ITSN2: variants seen among roughly 807,000 people sequenced by gnomAD.
The protein encoded by ITSN2 is intersectin 2.
ITSN2 carries 156 observed loss-of-function variants against 243.7 expected under a neutral mutation model. The observed-to-expected ratio is 0.64, with a 90% CI of 0.56 to 0.73. The LOEUF is 0.73. Ranked by LOEUF, ITSN2 falls within the 30% of genes least tolerant of loss-of-function variation. The pLI is 0.00. For missense variants in ITSN2, 1,801 were observed against 1,996.1 expected (o/e 0.90, Z 1.86); for synonymous variants, 703 against 699.9 (o/e 1.00, Z -0.07).
intron 1 of ITSN2, among the ~76,000 whole-genome samples, chr2:24,338,210 T>A (rs1176283240): frequency 6.6e-6 from 1 of 152,234 alleles, no homozygotes; most frequent in Non-Finnish European, 1.5e-5. Flanking sequence ...TATAACCTCT[T>A]ATCAACATAA....
At chr2:24,288,043 A>C (rs1679736046) in intron 15 of ITSN2, among the ~76,000 whole-genome samples, 1 of 152,022 alleles carries the variant, frequency 6.6e-6, no homozygotes, top group African/African-American at 2.4e-5. Context: ...AGTTTGATGA[A>C]GTCCCACTTG....
At chr2:24,261,443 G>T in intron 21 of ITSN2, 118 bp downstream of exon 21, 2 of 951,270 alleles carry the variant, frequency 2.1e-6, no homozygotes, top group Non-Finnish European at 3.2e-6. Context: ...ACAAAAAGTA[G>T]TCTTGAAGAG....
chr2:24,347,561 C>T (rs2151929299), intron 1 of ITSN2, among the ~76,000 whole-genome samples: 1 of 152,230 alleles, frequency 6.6e-6, no homozygotes, highest in Non-Finnish European at 1.5e-5. Flanking sequence ...TGGCACATGC[C>T]TGTAATCCCA....
intron 29 of ITSN2, among the ~76,000 whole-genome samples, chr2:24,224,677 A>T (rs1670847952): frequency 6.7e-6 from 1 of 149,808 alleles, no homozygotes; most frequent in South Asian, 2.1e-4. Context: ...TGTGTGGCCC[A>T]GGCTGGAGTG....
Position 24,203,763 on chromosome 2 carries a change from T to C in ITSN2, c.4957A>G (p.Ile1653Val). Residue 1653 changes from isoleucine to valine, a missense_variant, in exon 40 of 40, where the codon ATT (isoleucine) becomes GTT (valine). By Grantham distance (29) the Ile-to-Val change is conservative. Coordinates refer to ENST00000355123, the MANE Select transcript of ITSN2 (RefSeq NM_006277.3). Reference protein sequence around the residue: ...SPDDFLGRTEIPVAKIRTEQE... With the variant: ...SPDDFLGRTEVPVAKIRTEQE... ...TCTGTTCGAATTTTTGCCACTGGAATTTCAGTACGACCCAGGAAATCTGGT... is the reference window on the plus strand; with the variant it reads ...TCTGTTCGAATTTTTGCCACTGGAACTTCAGTACGACCCAGGAAATCTGGT... 6.2e-7 allele frequency: 1 copy of C among 1,614,030 alleles called. No individual in the cohort carries two copies. Among genetic ancestry groups the C allele is most frequent in the Non-Finnish European group, 8.5e-7 (1 of 1,179,960 alleles).
chr2:24,262,687 A>G (rs571074592), intron 20 of ITSN2, among the ~76,000 whole-genome samples: 4 of 152,300 alleles, frequency 2.6e-5, no homozygotes, highest in Admixed American at 1.3e-4. Context: ...TGCAATAATG[A>G]ATCCAAGAGC....
At chr2:24,315,282 C>G (rs897413250) in intron 2 of ITSN2, 58 bp from the exon 3 acceptor site, 1 of 933,516 alleles carries the variant, frequency 1.1e-6, no homozygotes, top group Non-Finnish European at 1.7e-6. Context: ...AAATACAATT[C>G]TAAAATGTAA....
At chr2:24,277,168 AG>A (rs1322859926) in intron 17 of ITSN2, among the ~76,000 whole-genome samples, 1 of 152,134 alleles carries the variant, frequency 6.6e-6, no homozygotes, top group Non-Finnish European at 1.5e-5. Context: ...ACGAGAGAGT[AG>A]AAAAAGGAGG....
intron 31 of ITSN2, among the ~76,000 whole-genome samples, chr2:24,216,866 A>C (rs1457624664): frequency 6.6e-6 from 1 of 152,186 alleles, no homozygotes; most frequent in Non-Finnish European, 1.5e-5. Flanking sequence ...TGGGTGGATC[A>C]CGAGGTCAGG....
intron 29 of ITSN2, among the ~76,000 whole-genome samples, chr2:24,243,147 C>T (rs1189120855): frequency 1.3e-5 from 2 of 152,114 alleles, no homozygotes; most frequent in Non-Finnish European, 2.9e-5. Flanking sequence ...TCTTTCTCCA[C>T]AAAGATTTAG....
Position 24,300,165 on chromosome 2 carries a change from A to G in ITSN2, c.1088T>C (p.Phe363Ser), listed in dbSNP as rs1248015996. Residue 363 changes from phenylalanine to serine, a missense_variant, in exon 12 of 40, where the codon TTT (phenylalanine) becomes TCT (serine). Transcript: ENST00000355123. ...EEPQKKLPVT[F>S]EDKRKANYER... is the part of the protein sequence containing the mutation. ...ATAGTTGGCTTTCCGTTTGTCCTCA[A>G]AAGTAACTGAACAAGGTATGCCTAT... The G allele has an allele frequency of 3.1e-6, 5 of 1,614,122 alleles. No homozygotes were observed. The highest frequency in any genetic ancestry group is 4.5e-5 in the East Asian group (2 of 44,882).
intron 37 of ITSN2, among the ~76,000 whole-genome samples, chr2:24,207,730 G>A (rs1428244837): frequency 1.3e-5 from 2 of 151,932 alleles, no homozygotes; most frequent in African/African-American, 4.8e-5. Flanking sequence ...GGGACAGGAC[G>A]TGGACTGAAG....
At chr2:24,231,388 G>A (rs1671574720) in intron 29 of ITSN2, among the ~76,000 whole-genome samples, 2 of 152,222 alleles carry the variant, frequency 1.3e-5, no homozygotes, top group South Asian at 4.1e-4. Flanking sequence ...AGACAGTACA[G>A]CAGTGTTGAC....
chr2:24,304,414 T>C (rs1039369259), intron 8 of ITSN2, among the ~76,000 whole-genome samples: 1 of 152,274 alleles, frequency 6.6e-6, no homozygotes, highest in Non-Finnish European at 1.5e-5. Context: ...ACATAGGACT[T>C]GATAATCAAA....
At chr2:24,248,549 T>A (rs1448543310) in intron 27 of ITSN2, 80 bp downstream of exon 27, 1 of 1,242,428 alleles carries the variant, frequency 8.0e-7, no homozygotes, top group Non-Finnish European at 1.1e-6. Context: ...GATCTAAAAA[T>A]TTTTATTAAT....
At chr2:24,317,211 T>C (rs1319275230) in intron 2 of ITSN2, among the ~76,000 whole-genome samples, 2 of 152,032 alleles carry the variant, frequency 1.3e-5, no homozygotes, top group Non-Finnish European at 2.9e-5. Context: ...CGAAACCTCA[T>C]CTCTACTAAA....
intron 31 of ITSN2, 32 bp from the exon 32 acceptor site, chr2:24,216,264 T>C (rs1669947404): frequency 3.3e-6 from 5 of 1,521,436 alleles, no homozygotes; most frequent in Non-Finnish European, 4.4e-6. Flanking sequence ...TTTGTGTTTC[T>C]AAGTGAATGA....
At chr2:24,300,897 A>G (rs1365290159) in intron 11 of ITSN2, among the ~76,000 whole-genome samples, 1 of 152,152 alleles carries the variant, frequency 6.6e-6, no homozygotes, top group Non-Finnish European at 1.5e-5. Flanking sequence ...AACTCAGCCT[A>G]AATTAGGAGA....
intron 11 of ITSN2, among the ~76,000 whole-genome samples, chr2:24,300,887 AACTC>A (rs1681636260): frequency 6.6e-6 from 1 of 152,156 alleles, no homozygotes; most frequent in Non-Finnish European, 1.5e-5. Flanking sequence ...TTCCTCTAAT[AACTC>A]AGCCTAAATT....
Sources: allele counts gnomAD v4.1 joint callset (sites outside exome capture counted in the v4.1 genomes callset), GRCh38; gene constraint gnomAD v4.1.1; transcripts MANE v1.5; gene names NCBI Gene and HGNC (gene_info 2026-07-23, HGNC 2026-07-21).